Variants in TRAK2 observed in about 807,000 individuals in gnomAD.
TRAK2 encodes trafficking kinesin-binding protein 2.
Under a neutral mutation model 104.6 loss-of-function variants are expected in TRAK2, and 81 were observed. The observed-to-expected ratio is 0.77, with a 90% CI of 0.65 to 0.93. The LOEUF is 0.93. Ranked by LOEUF, TRAK2 falls within the 40% of genes least tolerant of loss-of-function variation. The pLI is 0.00. For missense variants in TRAK2, 1,002 were observed against 1,089.0 expected, an observed-to-expected ratio of 0.92 and a Z score of 1.12; for synonymous variants, 406 against 394.4, an observed-to-expected ratio of 1.03 and a Z score of -0.35.
chr2:201,398,475 AG>A (rs1951521593), intron 5 of TRAK2, 121 bp from the exon 6 acceptor site: 7 of 920,020 alleles, frequency 7.6e-6, no homozygotes, highest in Admixed American at 5.3e-5. Flanking sequence ...ATCAGCTGCT[AG>A]GTTTTACTGA....
rs1030682537 is a variant in TRAK2 at position 201,388,154 on chromosome 2, A to G, written c.1398-153T>C. 9.3e-6 allele frequency: 7 copies of G among 755,726 alleles called. No individual in the cohort carries two copies. In the African/African-American group the frequency reaches 1.0e-4, roughly 11 times the overall value. The allele number at this position is 755,726 out of a possible 1,614,324, so 46.8% of individuals were successfully genotyped here. Reference sequence around the variant, plus strand: ...AATATAGAAGTAATAACAACAAACCAAAATCACCAACAACACTATATATCA... The same window carrying G: ...AATATAGAAGTAATAACAACAAACCGAAATCACCAACAACACTATATATCA... On this transcript the variant is annotated intron_variant, in intron 12 of 15. Transcript: ENST00000332624.
intron 2 of TRAK2, among the ~76,000 whole-genome samples, chr2:201,417,555 T>A (rs1951705319): frequency 6.6e-6 from 1 of 152,154 alleles, no homozygotes; most frequent in South Asian, 2.1e-4. Flanking sequence ...ATGCTAAAAA[T>A]TTCTCATCCA....
In TRAK2 at chr2:201,387,902, C is replaced by T. The variant is rs148922961; in HGVS notation, c.1497G>A (p.Glu499=). ...LSLRRQNYLS[E]KQFFAEEWQR... The stretch of plus-strand genomic sequence containing the variant: ...GCCATTCTTCAGCAAAGAACTGCTT[C>T]TCACTTAAATAGTTTTGTCGACGCA... Residue 499 remains glutamate, a synonymous_variant, in exon 13 of 16, where the codon GAG becomes GAA. Coordinates refer to ENST00000332624, the MANE Select transcript of TRAK2 (RefSeq NM_015049.3). The T allele has an allele frequency of 6.2e-7, 1 of 1,614,070 alleles. No homozygotes were observed. Among genetic ancestry groups the T allele is most frequent in the Non-Finnish European group, 8.5e-7 (1 of 1,180,038 alleles).
chr2:201,416,238 A>AG (rs1951690886), intron 2 of TRAK2, among the ~76,000 whole-genome samples: 3 of 149,978 alleles, frequency 2.0e-5, no homozygotes, highest in Admixed American at 2.0e-4. Context: ...AAAAAAAAAA[A>AG]AAAAAAAAGG....
chr2:201,383,715 T>A (rs1307149952), intron 15 of TRAK2, among the ~76,000 whole-genome samples: 1 of 152,196 alleles, frequency 6.6e-6, no homozygotes, highest in Non-Finnish European at 1.5e-5. Flanking sequence ...TCTAGCAAAT[T>A]GCTGAACCTG....
At chr2:201,422,046 T>C (rs1288897504) in intron 1 of TRAK2, among the ~76,000 whole-genome samples, 1 of 92,918 alleles carries the variant, frequency 1.1e-5, no homozygotes, top group Non-Finnish European at 2.4e-5. Flanking sequence ...CAAGACTCTG[T>C]CTCAAAAAAA....
At chr2:201,415,155 A>C (rs1951681090) in intron 2 of TRAK2, among the ~76,000 whole-genome samples, 1 of 152,052 alleles carries the variant, frequency 6.6e-6, no homozygotes, top group Admixed American at 6.6e-5. Context: ...CAGTGCTAGA[A>C]TCAAGCACAC....
At chr2:201,384,589 T>C (rs1361592472) in intron 14 of TRAK2, among the ~76,000 whole-genome samples, 1 of 152,174 alleles carries the variant, frequency 6.6e-6, no homozygotes, top group African/African-American at 2.4e-5. Context: ...GCTACTTTCA[T>C]AGTAATGGTA....
chr2:201,400,748 AT>A (rs945617497), intron 4 of TRAK2, among the ~76,000 whole-genome samples: 56 of 150,414 alleles, frequency 3.7e-4, no homozygotes, highest in African/African-American at 6.1e-4. Flanking sequence ...TTTTAAAATG[AT>A]TTTTTTTTTA....
chr2:201,444,386 C>A (rs567975867), intron 1 of TRAK2, among the ~76,000 whole-genome samples: 1 of 151,910 alleles, frequency 6.6e-6, no homozygotes, highest in African/African-American at 2.4e-5. Flanking sequence ...TACTCAGTCA[C>A]AGAGACACAG....
chr2:201,404,901 C>A (rs1267873688), intron 3 of TRAK2, among the ~76,000 whole-genome samples: 1 of 152,090 alleles, frequency 6.6e-6, no homozygotes, highest in Admixed American at 6.5e-5. Context: ...GCCCTTGCTG[C>A]TACGATATAG....
In TRAK2 at chr2:201,378,813, A is replaced by G. The variant is rs949166370; in HGVS notation, c.*1730T>C. 1 of 152,200 alleles carries G rather than the reference A, an allele frequency of 6.6e-6. No individual in the cohort carries two copies. Among genetic ancestry groups the G allele is most frequent in the African/African-American group, 2.4e-5 (1 of 41,448 alleles). 9.4% of individuals were successfully genotyped at this position (152,200 alleles called of 1,614,324 possible). A position where few individuals can be genotyped will look rare whatever the true frequency, so the allele number is the denominator to read the frequency against. Reference sequence around the variant, plus strand: ...ATTTTATTGAGAGATTCTAAAAAGTATAAGAAACTAACAAATTTTTACCAC... The same window carrying G: ...ATTTTATTGAGAGATTCTAAAAAGTGTAAGAAACTAACAAATTTTTACCAC... On this transcript the variant is annotated 3_prime_UTR_variant, in exon 16 of 16. Coordinates refer to ENST00000332624, the MANE Select transcript of TRAK2 (RefSeq NM_015049.3).
At chr2:201,401,782 T>C (rs1366287242) in intron 3 of TRAK2, among the ~76,000 whole-genome samples, 1 of 152,110 alleles carries the variant, frequency 6.6e-6, no homozygotes, top group Non-Finnish European at 1.5e-5. Flanking sequence ...TGTACCTGGA[T>C]AATTTAGTTC....
intron 3 of TRAK2, among the ~76,000 whole-genome samples, chr2:201,405,896 T>C (rs1951590748): frequency 6.6e-6 from 1 of 152,036 alleles, no homozygotes; most frequent in Non-Finnish European, 1.5e-5. Flanking sequence ...GCAGGAGAAT[T>C]GCTTGAACCC....
At chr2:201,426,295 C>G (rs1016649837) in intron 1 of TRAK2, among the ~76,000 whole-genome samples, 1 of 152,196 alleles carries the variant, frequency 6.6e-6, no homozygotes, top group Admixed American at 6.5e-5. Flanking sequence ...CTAGGTTGCC[C>G]ACTTATGAGA....
intron 3 of TRAK2, among the ~76,000 whole-genome samples, chr2:201,403,953 G>C (rs1951571634): frequency 6.6e-6 from 1 of 152,046 alleles, no homozygotes; most frequent in South Asian, 2.1e-4. Context: ...AAAGATGTCA[G>C]GCACAAAACA....
At chr2:201,398,410 A>T in intron 5 of TRAK2, 56 bp from the exon 6 acceptor site, 1 of 1,435,684 alleles carries the variant, frequency 7.0e-7, no homozygotes, top group African/African-American at 1.4e-5. Flanking sequence ...ATTTATAGCA[A>T]TATAGCTTCT....
At chr2:201,411,151 A>C in intron 2 of TRAK2, 1 of 777,950 alleles carries the variant, frequency 1.3e-6, no homozygotes, top group Non-Finnish European at 2.2e-6. Context: ...GTCAAAGATG[A>C]CATATTATCC....
chr2:201,424,842 C>T (rs1024356001), intron 1 of TRAK2, among the ~76,000 whole-genome samples: 10 of 151,894 alleles, frequency 6.6e-5, no homozygotes, highest in Non-Finnish European at 1.5e-4. Context: ...CTCCTGACCT[C>T]GTGATCCGCC....
Sources: allele counts gnomAD v4.1 joint callset (sites outside exome capture counted in the v4.1 genomes callset), GRCh38; gene constraint gnomAD v4.1.1; transcripts MANE v1.5; gene names NCBI Gene and HGNC (gene_info 2026-07-23, HGNC 2026-07-21).